PRAMEF15: variants seen among roughly 807,000 people sequenced by gnomAD.
PRAMEF15 encodes the protein PRAME family member 9/15.
A neutral mutation model predicts 35.3 loss-of-function variants in PRAMEF15; 21 were observed. The ratio of observed to expected loss-of-function variants is 0.59; its 90% confidence interval spans 0.42 to 0.86. The LOEUF (loss-of-function observed/expected upper bound fraction) is 0.86. PRAMEF15 is among the 40% of genes least tolerant of loss of function. PRAMEF15 has a pLI of 0.00. For synonymous variants in PRAMEF15, 122 were observed against 223.3 expected, an observed-to-expected ratio of 0.55 and a Z score of 4.05; for missense variants, 360 against 574.1, an observed-to-expected ratio of 0.63 and a Z score of 3.81.
intron 3 of PRAMEF15, 142 bp from the exon 4 acceptor site, chr1:13,321,561 C>A (rs2100326219): frequency 2.1e-6 from 3 of 1,430,922 alleles, no homozygotes; most frequent in East Asian, 4.6e-5. Flanking sequence ...CACGCATCAT[C>A]CTAAGTGTTG....
At position 13,319,231 on chromosome 1, in the gene PRAMEF15, G is replaced by T. The variant is rs1052074932; in HGVS notation, c.294-141G>T. On this transcript the variant is annotated intron_variant, in intron 2 of 3. Transcript: ENST00000376152. ...AAACAAAACAATGTGGAAGTGGGCA[G>T]GATCCAAGGGGAAAACAGAGTGAAG... The T allele has an allele frequency of 1.3e-5, 19 of 1,431,992 alleles. No homozygotes were observed. The South Asian group carries it at 2.5e-4, about 19-fold the overall frequency. 88.7% of individuals were successfully genotyped at this position (1,431,992 alleles called of 1,614,324 possible).
chr1:13,316,887 T>C (rs2100314328), intron 1 of PRAMEF15, among the ~76,000 whole-genome samples: 1 of 151,032 alleles, frequency 6.6e-6, no homozygotes, highest in East Asian at 1.9e-4. Flanking sequence ...CTCAGGACTT[T>C]GAAGGACACA....
At chr1:13,317,214 C>T (rs1309700024) in intron 1 of PRAMEF15, among the ~76,000 whole-genome samples, 6 of 151,674 alleles carry the variant, frequency 4.0e-5, no homozygotes, top group Middle Eastern at 6.8e-3. Context: ...GGACTACAGG[C>T]GCAGACCACT....
At chr1:13,320,464 T>C (rs1640069514) in intron 3 of PRAMEF15, among the ~76,000 whole-genome samples, 1 of 152,054 alleles carries the variant, frequency 6.6e-6, no homozygotes, top group Non-Finnish European at 1.5e-5. Flanking sequence ...ACTTTGATCG[T>C]CCAGGCTACA....
intron 1 of PRAMEF15, 59 bp from the exon 2 acceptor site, chr1:13,318,333 G>A (rs1249048336): frequency 2.2e-4 from 340 of 1,581,150 alleles, no homozygotes; most frequent in Middle Eastern, 6.9e-4. Context: ...AGGAGAAGAT[G>A]AGATTGCATG....
rs879089444 is a variant in PRAMEF15 at position 13,321,841 on chromosome 1, T to G, written c.1014T>G (p.Tyr338Ter). The change falls in exon 4 of 4, where the codon TAT (tyrosine) becomes TAG (stop). Residue 338 changes from tyrosine (Y) to a stop codon, truncating the protein, a stop_gained. Transcript: ENST00000376152. LOFTEE classifies it high-confidence loss of function. Reference protein sequence around the residue: ...LDLSGIRLTNYSLVPLQILLE... With the variant: ...LDLSGIRLTN ...TGAGTGGCATCAGACTGACCAATTA[T>G]AGTCTTGTGCCTCTCCAAATTCTCC... 6.3e-7 allele frequency: 1 copy of G among 1,587,166 alleles called. No individual in the cohort carries two copies. Among genetic ancestry groups the G allele is most frequent in the Non-Finnish European group, 8.6e-7 (1 of 1,168,252 alleles).
At position 13,316,998 on chromosome 1, in the gene PRAMEF15, G is replaced by A. The variant is rs1480396408; in HGVS notation, c.-17+1340G>A. Among the ~76,000 whole-genome samples, 336 of 149,142 alleles carry A rather than the reference G, an allele frequency of 2.3e-3. 4 individuals are homozygous for A. Among genetic ancestry groups the A allele is most frequent in the African/African-American group, 7.8e-3 (308 of 39,708 alleles). On this transcript the variant is annotated intron_variant, in intron 1 of 3. Coordinates refer to ENST00000376152, the MANE Select transcript of PRAMEF15 (RefSeq NM_001098376.3). ...ATTTTGATGGATTAATATCTAATTC[G>A]ATCAGTTATTCTTTAAGAAAGCCAA...
chr1:13,320,669 C>A (rs1239498194), intron 3 of PRAMEF15, among the ~76,000 whole-genome samples: 1 of 152,014 alleles, frequency 6.6e-6, no homozygotes, highest in Non-Finnish European at 1.5e-5. Flanking sequence ...GGTGATCCAC[C>A]CACCATGGAC....
intron 1 of PRAMEF15, among the ~76,000 whole-genome samples, chr1:13,316,959 T>A (rs1434754485): frequency 6.7e-6 from 1 of 148,472 alleles, no homozygotes; most frequent in Non-Finnish European, 1.5e-5. Context: ...TTTCACCCTA[T>A]CCCGAAATCT....
rs1317520880 is a variant in PRAMEF15, at chr1:13,319,942, C to T, written c.864C>T (p.Asp288=). Residue 288 remains aspartate (D), a synonymous_variant, in exon 3 of 4, where the codon GAC becomes GAT. Coordinates refer to ENST00000376152, the MANE Select transcript of PRAMEF15 (RefSeq NM_001098376.3). ...NSVSFLEGHL[D]QLLSCLKTSL... is the part of the protein sequence containing the mutation. Reference sequence around the variant, plus strand: ...TTTCTTTCCTCGAAGGCCACCTGGACCAGCTGCTCAGGTGAGGGAGGATGG... The same window carrying T: ...TTTCTTTCCTCGAAGGCCACCTGGATCAGCTGCTCAGGTGAGGGAGGATGG... 2 of 1,611,310 alleles carry T rather than the reference C, an allele frequency of 1.2e-6. 1 individual carries two copies. The highest frequency in any genetic ancestry group is 2.2e-5 in the South Asian group (2 of 91,038).
chr1:13,320,666 C>T lies in PRAMEF15; in HGVS notation c.875+713C>T, dbSNP rs1457275174. ...CTCCAACTCCTGACTTCAGGTGATCCACCCACCATGGACTCCCAAAGTGCT... is the reference window on the plus strand; with the variant it reads ...CTCCAACTCCTGACTTCAGGTGATCTACCCACCATGGACTCCCAAAGTGCT... On this transcript the variant is annotated intron_variant, in intron 3 of 3. Transcript: ENST00000376152. Among the ~76,000 whole-genome samples the T allele has an allele frequency of 5.7e-4, 87 of 152,134 alleles. 1 individual carries two copies. In the East Asian group the frequency reaches 0.014, roughly 25 times the overall value.
chr1:13,317,368 C>A (rs1156446200), intron 1 of PRAMEF15, among the ~76,000 whole-genome samples: 5 of 151,834 alleles, frequency 3.3e-5, no homozygotes, highest in South Asian at 4.2e-4. Flanking sequence ...CTGCACCCAG[C>A]CAAAATGGTT....
chr1:13,320,716 G>A (rs1464973901), intron 3 of PRAMEF15, among the ~76,000 whole-genome samples: 22 of 152,220 alleles, frequency 1.4e-4, no homozygotes, highest in African/African-American at 5.3e-4. Flanking sequence ...GAGCTACCAC[G>A]CCCAGCCAAC....
intron 1 of PRAMEF15, among the ~76,000 whole-genome samples, chr1:13,316,206 G>C (rs1158098815): frequency 5.3e-5 from 8 of 151,654 alleles, no homozygotes; most frequent in African/African-American, 1.9e-4. Flanking sequence ...GTTTCACCAC[G>C]CTGGCCAGGT....
chr1:13,321,055 G>A (rs1640077646), intron 3 of PRAMEF15, among the ~76,000 whole-genome samples: 1 of 151,932 alleles, frequency 6.6e-6, no homozygotes, highest in Non-Finnish European at 1.5e-5. Flanking sequence ...GATCCTGTCT[G>A]GGTTTGTCCT....
chr1:13,319,285 G>T (rs962707747), intron 2 of PRAMEF15, 87 bp from the exon 3 acceptor site: 3 of 1,586,940 alleles, frequency 1.9e-6, no homozygotes, highest in Non-Finnish European at 2.6e-6. Context: ...CAACAAGCAG[G>T]GAGGGGAGGA....
intron 3 of PRAMEF15, among the ~76,000 whole-genome samples, chr1:13,320,585 G>A (rs1286819122): frequency 1.3e-5 from 2 of 151,930 alleles, no homozygotes; most frequent in African/African-American, 4.8e-5. Flanking sequence ...CACCACACCT[G>A]GCTAATTTTT....
Position 13,322,427 on chromosome 1 carries a change from G to A in PRAMEF15, c.*163G>A. On this transcript the variant is annotated 3_prime_UTR_variant, in exon 4 of 4. Coordinates refer to ENST00000376152, the MANE Select transcript of PRAMEF15 (RefSeq NM_001098376.3). The stretch of plus-strand genomic sequence containing the variant: ...GCTGATCAAGCAGGGGCCGGACTTG[G>A]GGGAAATGTTGCCATGGATTCGATG... 6.9e-6 allele frequency: 5 copies of A among 720,900 alleles called. No individual in the cohort carries two copies. Among genetic ancestry groups the A allele is most frequent in the Non-Finnish European group, 6.8e-6 (3 of 442,992 alleles). The allele number at this position is 720,900 out of a possible 1,614,324, so 44.7% of individuals were successfully genotyped here. A position where few individuals can be genotyped will look rare whatever the true frequency, so the allele number is the denominator to read the frequency against.
At chr1:13,318,972 G>T (rs1360170436) in intron 2 of PRAMEF15, among the ~76,000 whole-genome samples, 3 of 151,930 alleles carry the variant, frequency 2.0e-5, no homozygotes, top group Admixed American at 6.6e-5. Context: ...CAGCACATTG[G>T]GAGGCTGAGG....
Sources: gnomAD v4.1 joint callset for allele counts (sites outside exome capture counted in the v4.1 genomes callset) on GRCh38, gnomAD v4.1.1 for gene constraint, MANE v1.5 for transcripts, NCBI Gene and HGNC (gene_info 2026-07-23, HGNC 2026-07-21) for gene names.